ROBO1: variants seen among roughly 807,000 people sequenced by gnomAD.
ROBO1 encodes the protein roundabout guidance receptor 1.
Under a neutral mutation model 195.9 loss-of-function variants are expected in ROBO1, and 149 were observed. The observed-to-expected ratio is 0.76, with a 90% CI of 0.67 to 0.87. The LOEUF (loss-of-function observed/expected upper bound fraction) is 0.87, where lower values mean the gene tolerates loss of function less well. ROBO1 is among the 40% of genes least tolerant of loss of function. ROBO1 has a pLI of 0.00. For synonymous variants in ROBO1, 816 were observed against 733.2 expected, an observed-to-expected ratio of 1.11 and a Z score of -1.82; for missense variants, 1,933 against 2,068.3, an observed-to-expected ratio of 0.93 and a Z score of 1.27.
chr3:79,537,036 T>C (rs986681490), intron 2 of ROBO1, among the ~76,000 whole-genome samples: 100 of 100,934 alleles, frequency 9.9e-4, no homozygotes, highest in Non-Finnish European at 2.0e-3. Flanking sequence ...AAAGAAACAA[T>C]ATTTTTTTTT....
At position 78,871,270 on chromosome 3, in the gene ROBO1, C is replaced by G. The variant is rs578115083; in HGVS notation, c.499+67331G>C. Reference sequence around the variant, plus strand: ...ACCTTTGTAACCCTACATATGAGCCCACATTTCTCAGAGCCAGTCATTAGG... The same window carrying G: ...ACCTTTGTAACCCTACATATGAGCCGACATTTCTCAGAGCCAGTCATTAGG... On this transcript the variant is annotated intron_variant, in intron 4 of 30. Coordinates refer to ENST00000464233, the MANE Select transcript of ROBO1 (RefSeq NM_002941.4). Among the ~76,000 whole-genome samples, 4 of 152,294 alleles carry G rather than the reference C, an allele frequency of 2.6e-5. No individual in the cohort carries two copies. In the South Asian group the frequency reaches 6.2e-4, roughly 24 times the overall value.
intron 8 of ROBO1, among the ~76,000 whole-genome samples, chr3:78,711,555 G>A (rs747405136): frequency 3.4e-5 from 5 of 148,672 alleles, no homozygotes; most frequent in African/African-American, 1.2e-4. Context: ...GTGCAATCTC[G>A]GCTTGCTGCA....
At chr3:79,696,816 G>A (rs1288782984) in intron 1 of ROBO1, among the ~76,000 whole-genome samples, 1 of 151,478 alleles carries the variant, frequency 6.6e-6, no homozygotes, top group Non-Finnish European at 1.5e-5. Context: ...TGAGAGCCAT[G>A]TTCAGACCAA....
At chr3:78,790,249 A>G (rs1030541526) in intron 4 of ROBO1, among the ~76,000 whole-genome samples, 1 of 152,128 alleles carries the variant, frequency 6.6e-6, no homozygotes, top group Non-Finnish European at 1.5e-5. Context: ...TTTATCATTT[A>G]TCTCCTAGAC....
At chr3:79,470,973 T>C (rs1575871698) in intron 2 of ROBO1, among the ~76,000 whole-genome samples, 2 of 152,312 alleles carry the variant, frequency 1.3e-5, no homozygotes, top group African/African-American at 4.8e-5. Context: ...TAAAATGATA[T>C]TAATTTATTG....
chr3:78,841,156 C>T (rs2033173238), intron 4 of ROBO1, among the ~76,000 whole-genome samples: 1 of 151,342 alleles, frequency 6.6e-6, no homozygotes, highest in East Asian at 1.9e-4. Flanking sequence ...ACACTAATAA[C>T]ACAGAGTCAA....
chr3:79,498,338 A>G (rs1939862060), intron 2 of ROBO1, among the ~76,000 whole-genome samples: 1 of 152,206 alleles, frequency 6.6e-6, no homozygotes, highest in Non-Finnish European at 1.5e-5. Context: ...AAAATACAAA[A>G]TATATTCTAT....
chr3:79,135,037 A>AT (rs1250959933), intron 2 of ROBO1, among the ~76,000 whole-genome samples: 13 of 138,810 alleles, frequency 9.4e-5, no homozygotes, highest in Non-Finnish European at 1.9e-4. Flanking sequence ...TTAGAGTATA[A>AT]TAAAAAAAAA....
At chr3:78,645,035 C>T (rs542907874) in intron 21 of ROBO1, among the ~76,000 whole-genome samples, 2 of 152,032 alleles carry the variant, frequency 1.3e-5, no homozygotes, top group Non-Finnish European at 2.9e-5. Flanking sequence ...ACAAACATGC[C>T]CTGGTTTAAT....
At chr3:79,298,106 A>T (rs2032690993) in intron 2 of ROBO1, among the ~76,000 whole-genome samples, 1 of 152,094 alleles carries the variant, frequency 6.6e-6, no homozygotes, top group Admixed American at 6.5e-5. Flanking sequence ...TATTTTTGTG[A>T]TATGGATTTA....
chr3:78,616,900 A>G (rs73850726), intron 27 of ROBO1, among the ~76,000 whole-genome samples: 5,158 of 152,248 alleles, frequency 0.034, 267 homozygotes, highest in African/African-American at 0.11. Context: ...AAGTAAAAAT[A>G]TGTTGTAACA....
At chr3:79,653,107 A>T (rs923932912) in intron 1 of ROBO1, among the ~76,000 whole-genome samples, 1 of 151,828 alleles carries the variant, frequency 6.6e-6, no homozygotes, top group Admixed American at 6.6e-5. Context: ...TTAATGAAAA[A>T]ATCAATTCCA....
intron 2 of ROBO1, among the ~76,000 whole-genome samples, chr3:79,437,578 A>G (rs2038928679): frequency 6.6e-6 from 1 of 152,076 alleles, no homozygotes; most frequent in African/African-American, 2.4e-5. Context: ...GAGACATATT[A>G]ATACAATGAA....
At chr3:78,963,974 G>C (rs1050111812) in intron 3 of ROBO1, among the ~76,000 whole-genome samples, 42 of 152,176 alleles carry the variant, frequency 2.8e-4, no homozygotes, top group African/African-American at 9.9e-4. Context: ...AGCTCTGGAG[G>C]TTAGAAGTTC....
intron 3 of ROBO1, among the ~76,000 whole-genome samples, chr3:79,022,685 G>T (rs1435880593): frequency 6.6e-6 from 1 of 152,194 alleles, no homozygotes; most frequent in African/African-American, 2.4e-5. Context: ...AGAAAGTGTG[G>T]TAACTTGTAC....
chr3:78,693,183 TC>T, intron 8 of ROBO1: 2 of 849,178 alleles, frequency 2.4e-6, no homozygotes, highest in Non-Finnish European at 3.6e-6. Context: ...TACCCATACT[TC>T]CTGCAGACTT....
intron 3 of ROBO1, among the ~76,000 whole-genome samples, chr3:79,096,858 C>A (rs534358071): frequency 6.0e-5 from 9 of 151,180 alleles, no homozygotes; most frequent in East Asian, 3.9e-4. Flanking sequence ...ACTAAAAAAA[C>A]CACTCAATAA....
chr3:79,732,761 T>C (rs932295244), intron 1 of ROBO1, among the ~76,000 whole-genome samples: 1 of 152,216 alleles, frequency 6.6e-6, no homozygotes. Flanking sequence ...TTTTTTCTAC[T>C]TTCAGATGCC....
chr3:79,232,800 A>C (rs1199299302), intron 2 of ROBO1, among the ~76,000 whole-genome samples: 1 of 152,166 alleles, frequency 6.6e-6, no homozygotes. Context: ...AGAATCTGAA[A>C]AGTTCACTTC....
Sources: allele counts gnomAD v4.1 joint callset (sites outside exome capture counted in the v4.1 genomes callset), GRCh38; gene constraint gnomAD v4.1.1; transcripts MANE v1.5; gene names NCBI Gene and HGNC (gene_info 2026-07-23, HGNC 2026-07-21).